HPSE2: variants seen among roughly 807,000 people sequenced by gnomAD.
The protein encoded by HPSE2 is heparanase 2 (inactive), also known as inactive heparanase-2.
HPSE2 carries 38 observed loss-of-function variants against 60.5 expected under a neutral mutation model. The observed-to-expected ratio is 0.63, with a 90% CI of 0.48 to 0.82. The LOEUF is 0.82. HPSE2 is among the 40% of genes least tolerant of loss of function. The pLI, the probability that HPSE2 is intolerant of heterozygous loss-of-function variation, is 0.00. For missense variants in HPSE2, 713 were observed against 740.4 expected, an observed-to-expected ratio of 0.96 and a Z score of 0.43; for synonymous variants, 295 against 293.2, an observed-to-expected ratio of 1.01 and a Z score of -0.06.
chr10:98,796,206 C>A (rs559926987), intron 3 of HPSE2, among the ~76,000 whole-genome samples: 10 of 152,190 alleles, frequency 6.6e-5, no homozygotes, highest in Admixed American at 4.6e-4. Context: ...TGAGGTAAAG[C>A]GACAAGCAGT....
chr10:98,993,344 A>C (rs1231301598), intron 3 of HPSE2, among the ~76,000 whole-genome samples: 1 of 152,240 alleles, frequency 6.6e-6, no homozygotes, highest in African/African-American at 2.4e-5. Context: ...AGACATATAC[A>C]ACGTTCTAAA....
At chr10:99,111,113 C>A (rs1844439731) in intron 3 of HPSE2, among the ~76,000 whole-genome samples, 2 of 152,080 alleles carry the variant, frequency 1.3e-5, no homozygotes, top group Admixed American at 1.3e-4. Context: ...TGTCAAAGAT[C>A]AGTTTACTAT....
chr10:99,153,714 C>A (rs1200180467), intron 2 of HPSE2, among the ~76,000 whole-genome samples: 1 of 152,228 alleles, frequency 6.6e-6, no homozygotes, highest in Non-Finnish European at 1.5e-5. Flanking sequence ...TCCAAAGGAA[C>A]GCAGTTCCTC....
intron 2 of HPSE2, among the ~76,000 whole-genome samples, chr10:99,167,183 G>T (rs1338998250): frequency 6.6e-6 from 1 of 151,956 alleles, no homozygotes; most frequent in Non-Finnish European, 1.5e-5. Context: ...GCTAATTTTT[G>T]TATTTTTAGC....
intron 9 of HPSE2, among the ~76,000 whole-genome samples, chr10:98,597,149 C>T (rs770566669): frequency 2.0e-5 from 3 of 152,118 alleles, no homozygotes; most frequent in Non-Finnish European, 4.4e-5. Flanking sequence ...TCAATTACCT[C>T]CCACCAGGTC....
chr10:99,085,641 A>G (rs891915887), intron 3 of HPSE2, among the ~76,000 whole-genome samples: 1 of 152,230 alleles, frequency 6.6e-6, no homozygotes, highest in Non-Finnish European at 1.5e-5. Flanking sequence ...TTAAAAAAAT[A>G]AAAACTGGGT....
chr10:99,282,343 T>C, the HPSE2 span, among the ~76,000 whole-genome samples: 1 of 152,172 alleles, frequency 6.6e-6, no homozygotes, highest in Admixed American at 6.5e-5. Flanking sequence ...ATAACAATTA[T>C]ATACATATGC....
At chr10:98,556,060 T>G (rs1419890232) in intron 9 of HPSE2, among the ~76,000 whole-genome samples, 1 of 152,186 alleles carries the variant, frequency 6.6e-6, no homozygotes, top group Non-Finnish European at 1.5e-5. Flanking sequence ...AAACTCCGAC[T>G]TTTATTATTA....
chr10:99,003,421 C>A lies in HPSE2; in HGVS notation c.610+140817G>T, dbSNP rs1352601703. 2.6e-5 allele frequency among the ~76,000 whole-genome samples: 4 copies of A among 152,088 alleles called. No homozygotes were observed. The East Asian group carries it at 7.7e-4, about 29-fold the overall frequency. On this transcript the variant is annotated intron_variant, in intron 3 of 11. Coordinates refer to ENST00000370552, the MANE Select transcript of HPSE2 (RefSeq NM_021828.5). ...TATCTTCAGTTTTTTGAGGAATGTG[C>A]ATTCTATTTTTCATAATAATTATAC... is the stretch of plus-strand genomic sequence containing the variant.
chr10:98,660,966 G>A (rs1758901206), intron 6 of HPSE2, among the ~76,000 whole-genome samples: 1 of 152,168 alleles, frequency 6.6e-6, no homozygotes, highest in African/African-American at 2.4e-5. Context: ...GAGGGAGTAG[G>A]CTGAATTGGC....
chr10:99,160,262 CA>C (rs1279766169), intron 2 of HPSE2, among the ~76,000 whole-genome samples: 2 of 151,822 alleles, frequency 1.3e-5, no homozygotes, highest in East Asian at 1.9e-4. Flanking sequence ...TTAAAATGGA[CA>C]AAAGATCTGA....
intron 3 of HPSE2, among the ~76,000 whole-genome samples, chr10:98,758,201 A>C (rs958542118): frequency 8.2e-6 from 1 of 122,344 alleles, no homozygotes; most frequent in Non-Finnish European, 2.0e-5. Context: ...GATGGGTTAA[A>C]GATGTAAATG....
At chr10:98,638,351 A>G (rs1250960878) in intron 7 of HPSE2, among the ~76,000 whole-genome samples, 2 of 149,268 alleles carry the variant, frequency 1.3e-5, no homozygotes, top group Non-Finnish European at 1.5e-5. Flanking sequence ...AGGCTGCGGC[A>G]GGAGAAAGGT....
At chr10:98,471,279 A>T (rs1390333293) in intron 11 of HPSE2, among the ~76,000 whole-genome samples, 1 of 152,190 alleles carries the variant, frequency 6.6e-6, no homozygotes, top group Non-Finnish European at 1.5e-5. Context: ...GGGAGCTTTA[A>T]CAAATACTGG....
intron 3 of HPSE2, among the ~76,000 whole-genome samples, chr10:98,919,846 G>A (rs1954231082): frequency 6.6e-6 from 1 of 152,170 alleles, no homozygotes; most frequent in Non-Finnish European, 1.5e-5. Context: ...TGATACTACA[G>A]TATTTACTTT....
intron 3 of HPSE2, among the ~76,000 whole-genome samples, chr10:99,121,378 G>C (rs2040021): frequency 0.51 from 77,357 of 151,736 alleles, 21,485 homozygotes; most frequent in East Asian, 0.65. Context: ...ATAATCTGTA[G>C]AACAAACCCC....
At chr10:98,643,382 G>T (rs1946686318) in intron 6 of HPSE2, among the ~76,000 whole-genome samples, 3 of 152,170 alleles carry the variant, frequency 2.0e-5, no homozygotes, top group Non-Finnish European at 2.9e-5. Flanking sequence ...ACAAAGATGG[G>T]ATTATAAACA....
chr10:99,286,917 A>C, the HPSE2 span, among the ~76,000 whole-genome samples: 2 of 152,096 alleles, frequency 1.3e-5, no homozygotes, highest in Admixed American at 1.3e-4. Context: ...TTTTTGAATA[A>C]GAAGAATGAT....
intron 3 of HPSE2, among the ~76,000 whole-genome samples, chr10:98,802,528 T>C (rs1227899656): frequency 7.4e-6 from 1 of 135,578 alleles, no homozygotes; most frequent in Non-Finnish European, 1.5e-5. Context: ...TGTCCATGTG[T>C]TCTCATTGTT....
Sources: allele counts gnomAD v4.1 joint callset (sites outside exome capture counted in the v4.1 genomes callset), GRCh38; gene constraint gnomAD v4.1.1; transcripts MANE v1.5; gene names NCBI Gene and HGNC (gene_info 2026-07-23, HGNC 2026-07-21).